The following NEK4 variants were observed in gnomAD, a reference collection of about 807,000 sequenced individuals.
NEK4 encodes the protein serine/threonine-protein kinase Nek4.
NEK4 carries 86 observed loss-of-function variants against 98.4 expected under a neutral mutation model. That is an observed-to-expected ratio of 0.87 (90% confidence interval 0.73 to 1.05). NEK4 has a LOEUF of 1.05. Among genes scored for constraint, NEK4 ranks in the 50% least tolerant of loss-of-function variants. NEK4 has a pLI of 0.00. For synonymous variants in NEK4, 328 were observed against 342.2 expected (o/e 0.96, Z 0.46); for missense variants, 898 against 950.3 (o/e 0.94, Z 0.72).
intron 6 of NEK4, among the ~76,000 whole-genome samples, chr3:52,758,447 C>T (rs1363138207): frequency 6.6e-6 from 1 of 151,760 alleles, no homozygotes; most frequent in African/African-American, 2.4e-5. Context: ...ACTAAAAATT[C>T]GATCGACAAC....
intron 15 of NEK4, among the ~76,000 whole-genome samples, chr3:52,724,812 A>G (rs1480847108): frequency 6.6e-6 from 1 of 152,200 alleles, no homozygotes; most frequent in African/African-American, 2.4e-5. Context: ...GAGAATTTCA[A>G]ATGTCCTCAT....
intron 15 of NEK4, among the ~76,000 whole-genome samples, chr3:52,727,924 CACTT>C (rs2097366060): frequency 6.6e-6 from 1 of 152,142 alleles, no homozygotes; most frequent in African/African-American, 2.4e-5. Context: ...TAGCTGTAAA[CACTT>C]ACATTAAAAA....
intron 2 of NEK4, 85 bp from the exon 3 acceptor site, chr3:52,766,460 G>T: frequency 1.1e-6 from 1 of 952,048 alleles, no homozygotes; most frequent in Non-Finnish European, 1.6e-6. Context: ...ATCAGCAATG[G>T]CATGAGTTAG....
chr3:52,727,539 G>T (rs1420580312), intron 15 of NEK4, among the ~76,000 whole-genome samples: 2 of 152,114 alleles, frequency 1.3e-5, no homozygotes, highest in Non-Finnish European at 2.9e-5. Flanking sequence ...GTGGTAGTGT[G>T]ACCTCGGCTC....
intron 8 of NEK4, among the ~76,000 whole-genome samples, chr3:52,748,551 T>A (rs1173134823): frequency 6.6e-6 from 1 of 152,198 alleles, no homozygotes; most frequent in Non-Finnish European, 1.5e-5. Context: ...GAATTCCAAT[T>A]TAATACAAAT....
intron 1 of NEK4, among the ~76,000 whole-genome samples, chr3:52,770,084 T>A (rs1277612254): frequency 6.6e-6 from 1 of 152,034 alleles, no homozygotes; most frequent in African/African-American, 2.4e-5. Context: ...TTGGGGTGCG[T>A]GGGGAGGCTT....
At position 52,743,863 on chromosome 3, in the gene NEK4, G is replaced by A. The variant is rs146352261; in HGVS notation, c.1894+376C>T. ...AAAAGAATGATAGCCCTCAGCCTAC[G>A]GCAGCACCACTCCCCAAGCAACCTC... is the stretch of plus-strand genomic sequence containing the variant. On this transcript the variant is annotated intron_variant, in intron 11 of 15. Coordinates refer to ENST00000233027, the MANE Select transcript of NEK4 (RefSeq NM_003157.6). 1.6e-4 allele frequency among the ~76,000 whole-genome samples: 25 copies of A among 152,236 alleles called. No individual in the cohort carries two copies. The East Asian group carries it at 4.0e-3, about 25-fold the overall frequency.
At chr3:52,723,148 G>A (rs1049064135) in intron 15 of NEK4, among the ~76,000 whole-genome samples, 2 of 151,688 alleles carry the variant, frequency 1.3e-5, no homozygotes, top group African/African-American at 4.8e-5. Flanking sequence ...GAGGCTGCAG[G>A]GAGCTATCAC....
intron 15 of NEK4, chr3:52,733,818 A>C (rs932564566): frequency 1.3e-5 from 5 of 387,898 alleles, no homozygotes; most frequent in Non-Finnish European, 2.5e-5. Context: ...CTTGCATGAC[A>C]TTGGAAGATT....
chr3:52,730,392 T>C (rs2097368451), intron 15 of NEK4, among the ~76,000 whole-genome samples: 1 of 152,182 alleles, frequency 6.6e-6, no homozygotes, highest in Non-Finnish European at 1.5e-5. Flanking sequence ...CTCAAACTTT[T>C]CCAGAGAGTT....
rs1177358086 is a variant in NEK4 at position 52,734,080 on chromosome 3, C to A, written c.2433+3506G>T. Among the ~76,000 whole-genome samples, 5 of 152,072 alleles carry A rather than the reference C, an allele frequency of 3.3e-5. 1 individual carries two copies. In the East Asian group the frequency reaches 9.6e-4, roughly 29 times the overall value. ...TAATATATAAAGAGAGAACAGTTGG[C>A]CAGGCATAGTGGTTCACACCTGTAA... On this transcript the variant is annotated intron_variant, in intron 15 of 15. Coordinates refer to ENST00000233027, the MANE Select transcript of NEK4 (RefSeq NM_003157.6).
At chr3:52,730,580 T>C (rs1002698160) in intron 15 of NEK4, among the ~76,000 whole-genome samples, 1 of 152,226 alleles carries the variant, frequency 6.6e-6, no homozygotes, top group African/African-American at 2.4e-5. Flanking sequence ...CCTCTGTTCA[T>C]GAGAGATATT....
At position 52,746,871 on chromosome 3, in the gene NEK4, G is replaced by C; in HGVS notation, c.1540C>G (p.Gln514Glu). 6.2e-7 allele frequency: 1 copy of C among 1,613,812 alleles called. No individual in the cohort carries two copies. The highest frequency in any genetic ancestry group is 8.5e-7 in the Non-Finnish European group (1 of 1,179,852). Residue 514 changes from glutamine to glutamate, a missense_variant, in exon 9 of 16, where the codon CAG (glutamine) becomes GAG (glutamate). Physicochemically the swap from Gln to Glu is conservative, Grantham distance 29. Coordinates refer to ENST00000233027, the MANE Select transcript of NEK4 (RefSeq NM_003157.6). Reference protein sequence around the residue: ...QVAGECIIEKQGRIHPDLQPH... With the variant: ...QVAGECIIEKEGRIHPDLQPH... ...TGTAAATCTGGGTGGATTCTGCCCT[G>C]TTTTTCTATAATACATTCACCAGCA...
intron 15 of NEK4, among the ~76,000 whole-genome samples, chr3:52,721,020 T>C (rs1355536525): frequency 3.3e-5 from 5 of 152,326 alleles, no homozygotes; most frequent in Non-Finnish European, 7.4e-5. Context: ...GAATCTCTTT[T>C]ACGTAACTAT....
At chr3:52,725,546 T>C (rs1159402431) in intron 15 of NEK4, among the ~76,000 whole-genome samples, 3 of 151,156 alleles carry the variant, frequency 2.0e-5, no homozygotes, top group Non-Finnish European at 4.4e-5. Flanking sequence ...AAAAAACATA[T>C]AATGTACAAA....
intron 15 of NEK4, among the ~76,000 whole-genome samples, chr3:52,723,314 C>G (rs528803759): frequency 6.6e-6 from 1 of 152,186 alleles, no homozygotes; most frequent in African/African-American, 2.4e-5. Context: ...GGCTGAAGGG[C>G]AGTAGAACCT....
At chr3:52,731,254 T>C (rs990070646) in intron 15 of NEK4, among the ~76,000 whole-genome samples, 5 of 152,350 alleles carry the variant, frequency 3.3e-5, no homozygotes, top group African/African-American at 9.6e-5. Context: ...TTTACAAACA[T>C]ACTTTTCTTT....
chr3:52,764,614 G>C (rs1380082370), intron 4 of NEK4, among the ~76,000 whole-genome samples: 2 of 151,838 alleles, frequency 1.3e-5, no homozygotes, highest in East Asian at 1.9e-4. Flanking sequence ...CTGGGCAACA[G>C]AGTGAGACTC....
At chr3:52,744,216 T>A in intron 11 of NEK4, 23 bp downstream of exon 11, 1 of 1,588,322 alleles carries the variant, frequency 6.3e-7, no homozygotes, top group East Asian at 2.2e-5. Context: ...GCCAATTAGA[T>A]GAAGAAAAGA....
Sources: gnomAD v4.1 joint callset for allele counts (sites outside exome capture counted in the v4.1 genomes callset) on GRCh38, gnomAD v4.1.1 for gene constraint, MANE v1.5 for transcripts, NCBI Gene and HGNC (gene_info 2026-07-23, HGNC 2026-07-21) for gene names.